XDH: variants seen among roughly 807,000 people sequenced by gnomAD.
XDH encodes the protein xanthine dehydrogenase/oxidase.
XDH carries 138 observed loss-of-function variants against 156.1 expected under a neutral mutation model. The ratio of observed to expected loss-of-function variants is 0.88; its 90% CI spans 0.77 to 1.02. The LOEUF (loss-of-function observed/expected upper bound fraction) is 1.02, where lower values mean the gene tolerates loss of function less well. Among genes scored for constraint, XDH ranks in the 50% least tolerant of loss-of-function variants. The pLI, the probability that XDH is intolerant of heterozygous loss-of-function variation, is 0.00. For synonymous variants in XDH, 669 were observed against 625.7 expected, an observed-to-expected ratio of 1.07 and a Z score of -1.03; for missense variants, 1,849 against 1,684.9, an observed-to-expected ratio of 1.10 and a Z score of -1.71.
chr2:31,394,597 C>G (rs1420904547), intron 6 of XDH, among the ~76,000 whole-genome samples: 1 of 152,160 alleles, frequency 6.6e-6, no homozygotes, highest in Non-Finnish European at 1.5e-5. Flanking sequence ...GGGAAATTCT[C>G]AGTCATTTTT....
intron 9 of XDH, among the ~76,000 whole-genome samples, chr2:31,385,989 T>C (rs561525): frequency 0.042 from 6,467 of 152,298 alleles, 240 homozygotes; most frequent in African/African-American, 0.096. Context: ...CAAGGAACCA[T>C]GTCCAATTGA....
In XDH at chr2:31,334,856, T is replaced by C. The variant is rs1431454867; in HGVS notation, c.*1102A>G. On this transcript the variant is annotated 3_prime_UTR_variant, in exon 36 of 36. Transcript: ENST00000379416. The stretch of plus-strand genomic sequence containing the variant: ...TACCTCTGGTTGGGCTTGATTTTGA[T>C]AGCAGCATTTTTATTTCTTTTTTTT... 6.6e-6 allele frequency: 1 copy of C among 152,138 alleles called. No homozygotes were observed. The highest frequency in any genetic ancestry group is 1.5e-5 in the Non-Finnish European group (1 of 68,032). The allele number at this position is 152,138 out of a possible 1,614,324, so 9.4% of individuals were successfully genotyped here.
chr2:31,400,619 GA>G (rs1054179681), intron 4 of XDH, among the ~76,000 whole-genome samples: 2 of 152,162 alleles, frequency 1.3e-5, no homozygotes, highest in Non-Finnish European at 2.9e-5. Flanking sequence ...ATTTGCCCCA[GA>G]AATGTTTCGG....
At chr2:31,389,439 C>G (rs986362404) in intron 6 of XDH, among the ~76,000 whole-genome samples, 2 of 152,174 alleles carry the variant, frequency 1.3e-5, no homozygotes, top group Non-Finnish European at 1.5e-5. Context: ...GAGCCTCCCC[C>G]CAGCCAGCCA....
intron 24 of XDH, among the ~76,000 whole-genome samples, chr2:31,360,990 A>C (rs757067830): frequency 4.6e-5 from 7 of 152,258 alleles, no homozygotes; most frequent in Non-Finnish European, 8.8e-5. Flanking sequence ...GATTAAGAAC[A>C]CAAGCCTGAT....
intron 9 of XDH, chr2:31,384,152 G>GTGTGTGTGTT: frequency 5.1e-6 from 2 of 389,720 alleles, no homozygotes; most frequent in Non-Finnish European, 9.7e-6. Context: ...GTGTGTGTGT[G>GTGTGTGTGTT]TGTTTGTGTA....
chr2:31,357,404 C>A (rs1256829738), intron 24 of XDH, among the ~76,000 whole-genome samples: 2 of 152,066 alleles, frequency 1.3e-5, no homozygotes, highest in African/African-American at 4.8e-5. Flanking sequence ...GAAACACGGG[C>A]TATCACTACA....
chr2:31,367,198 C>T (rs1303860391), intron 20 of XDH, among the ~76,000 whole-genome samples: 1 of 152,222 alleles, frequency 6.6e-6, no homozygotes, highest in African/African-American at 2.4e-5. Flanking sequence ...CTCATCCCCA[C>T]CCCCACAACA....
In XDH at chr2:31,388,086, C is replaced by A. The variant is rs537227640; in HGVS notation, c.564+141G>T. 32 of 1,089,334 alleles carry A rather than the reference C, an allele frequency of 2.9e-5. No individual in the cohort carries two copies. In the African/African-American group the frequency reaches 4.8e-4, roughly 16 times the overall value. The allele number at this position is 1,089,334 out of a possible 1,614,324, so 67.5% of individuals were successfully genotyped here. On this transcript the variant is annotated intron_variant, in intron 7 of 35. Transcript: ENST00000379416. The stretch of plus-strand genomic sequence containing the variant: ...AGGACCCGGGGCTAACGTGCACCAT[C>A]ACCATCCCCACAGTCTGCCATCACC...
intron 6 of XDH, among the ~76,000 whole-genome samples, chr2:31,392,635 G>A (rs535048727): frequency 1.3e-5 from 2 of 152,186 alleles, no homozygotes; most frequent in East Asian, 3.9e-4. Flanking sequence ...ATGTTGGTCA[G>A]GCTGGTCTTG....
intron 1 of XDH, among the ~76,000 whole-genome samples, chr2:31,410,586 A>C (rs540625145): frequency 1.4e-4 from 21 of 152,338 alleles, no homozygotes; most frequent in African/African-American, 5.1e-4. Flanking sequence ...AGTTCGCATC[A>C]CAAAAAAGAC....
chr2:31,386,988 AAAGGAAGGAAGGAAGGAAGG>A (rs72299308), intron 8 of XDH, among the ~76,000 whole-genome samples: 47,883 of 90,896 alleles, frequency 0.53, 13,474 homozygotes, highest in Middle Eastern at 0.6. Context: ...GGGAGGGAAG[AAAGGAAGGAAGGAAGGAAGG>A]AAGGAAGGAA....
chr2:31,393,606 T>C (rs1241477395), intron 6 of XDH, among the ~76,000 whole-genome samples: 1 of 152,188 alleles, frequency 6.6e-6, no homozygotes, highest in Admixed American at 6.5e-5. Flanking sequence ...TTTAGATCAC[T>C]GACATTTAAG....
At chr2:31,383,904 C>T in intron 9 of XDH, 57 bp from the exon 10 acceptor site, 1 of 1,504,412 alleles carries the variant, frequency 6.6e-7, no homozygotes. Context: ...CCAGGGCAGG[C>T]CTTAGCAGCT....
At chr2:31,376,442 G>A (rs1237585973) in intron 14 of XDH, among the ~76,000 whole-genome samples, 2 of 149,066 alleles carry the variant, frequency 1.3e-5, no homozygotes, top group Non-Finnish European at 3.0e-5. Flanking sequence ...AATAGTAGTA[G>A]TAGTAGCAGT....
In XDH at chr2:31,346,816, G is replaced by T; in HGVS notation, c.3304C>A (p.Leu1102Met). 1 of 1,614,058 alleles carries T rather than the reference G, an allele frequency of 6.2e-7. No individual in the cohort carries two copies. The highest frequency in any genetic ancestry group is 8.5e-7 in the Non-Finnish European group (1 of 1,180,016). ...YAACQTILKR[L>M]EPYKKKNPSG... ...GGATTCTTCTTCTTGTAGGGTTCCA[G>T]CCTTTTCAAGATGGTCTGACAAGCC... Residue 1102 changes from leucine (L) to methionine (M), a missense_variant, in exon 30 of 36, where the codon CTG (leucine) becomes ATG (methionine). Physicochemically the swap from Leu to Met is conservative, Grantham distance 15. Coordinates refer to ENST00000379416, the MANE Select transcript of XDH (RefSeq NM_000379.4).
At chr2:31,379,232 A>G (rs1189920710) in intron 13 of XDH, among the ~76,000 whole-genome samples, 1 of 152,100 alleles carries the variant, frequency 6.6e-6, no homozygotes, top group African/African-American at 2.4e-5. Flanking sequence ...TGGTGCCCAG[A>G]CCTGCCCCAA....
intron 23 of XDH, 87 bp downstream of exon 23, chr2:31,365,370 G>A (rs1005245184): frequency 1.2e-5 from 17 of 1,404,840 alleles, no homozygotes; most frequent in African/African-American, 2.8e-5. Context: ...AAAAGTAGGA[G>A]TGCAGCTCAG....
In XDH at chr2:31,341,337, T is replaced by C. The variant is rs1310957429; in HGVS notation, c.3577A>G (p.Ile1193Val). 1 of 1,573,490 alleles carries C rather than the reference T, an allele frequency of 6.4e-7. No homozygotes were observed. Among genetic ancestry groups the C allele is most frequent in the South Asian group, 1.2e-5 (1 of 85,830 alleles). Residue 1193 changes from isoleucine to valine, a missense_variant, in exon 33 of 36, where the codon ATT (isoleucine) becomes GTT (valine). Transcript: ENST00000379416. Reference protein sequence around the residue: ...VGSSLNPAIDIGQVEGAFVQG... With the variant: ...VGSSLNPAIDVGQVEGAFVQG... The stretch of plus-strand genomic sequence containing the variant: ...GTCCCACTGAGCCTCACCTGTCCAA[T>C]ATCAATGGCAGGGTTTAGACTGGAG...
Sources: gnomAD v4.1 joint callset for allele counts (sites outside exome capture counted in the v4.1 genomes callset) on GRCh38, gnomAD v4.1.1 for gene constraint, MANE v1.5 for transcripts, NCBI Gene and HGNC (gene_info 2026-07-23, HGNC 2026-07-21) for gene names.